The following FOXP1 variants were observed in gnomAD, a reference collection of about 807,000 sequenced individuals.
FOXP1 encodes the protein forkhead box P1.
Under a neutral mutation model 98.2 loss-of-function variants are expected in FOXP1, and 15 were observed. The ratio of observed to expected loss-of-function variants is 0.15; its 90% CI spans 0.10 to 0.24. The LOEUF (loss-of-function observed/expected upper bound fraction) is 0.24, where lower values mean the gene tolerates loss of function less well. Among genes scored for constraint, FOXP1 ranks in the 10% least tolerant of loss-of-function variants. The probability of loss-of-function intolerance (pLI) is 1.00; values close to 1 mark genes in which losing one functional copy is unlikely to be tolerated. For missense variants in FOXP1, 633 were observed against 848.5 expected (o/e 0.75, Z 3.15); for synonymous variants, 371 against 314.5 (o/e 1.18, Z -1.90).
At chr3:71,549,267 A>C (rs1253937373) in intron 2 of FOXP1, among the ~76,000 whole-genome samples, 3 of 152,116 alleles carry the variant, frequency 2.0e-5, no homozygotes, top group Non-Finnish European at 4.4e-5. Context: ...TCCCCTACCT[A>C]GTGTTTCTTT....
In FOXP1 at chr3:70,990,210, G is replaced by A. The variant is rs183830127; in HGVS notation, c.1063-2133C>T. On this transcript the variant is annotated intron_variant, in intron 13 of 20. Transcript: ENST00000649528. ...TTTTGTTTGGTTAGTGAAAACTAAT[G>A]TGTAGTATCATACTCTTGAATGAGT... 8.5e-5 allele frequency among the ~76,000 whole-genome samples: 13 copies of A among 152,278 alleles called. No individual in the cohort carries two copies. In the East Asian group the frequency reaches 1.7e-3, roughly 20 times the overall value.
At chr3:71,537,303 CAGA>C (rs2044380665) in intron 2 of FOXP1, among the ~76,000 whole-genome samples, 1 of 152,174 alleles carries the variant, frequency 6.6e-6, no homozygotes, top group Admixed American at 6.5e-5. Context: ...ATTGCCTTCC[CAGA>C]AGGAGTGAGT....
In FOXP1 at chr3:71,446,638, G is replaced by A. The variant is rs566671843; in HGVS notation, c.-168+46788C>T. ...GTAATGTCTCAGAGGTTCCTATGAA[G>A]TCATGTTCTTACAATTCACTCATAA... On this transcript the variant is annotated intron_variant, in intron 3 of 20. Coordinates refer to ENST00000649528, the MANE Select transcript of FOXP1 (RefSeq NM_001349338.3). 2.6e-5 allele frequency among the ~76,000 whole-genome samples: 4 copies of A among 152,276 alleles called. No individual in the cohort carries two copies. In the South Asian group the frequency reaches 8.3e-4, roughly 32 times the overall value.
At chr3:71,061,500 A>C (rs2051473115) in intron 7 of FOXP1, among the ~76,000 whole-genome samples, 2 of 152,154 alleles carry the variant, frequency 1.3e-5, no homozygotes, top group Admixed American at 1.3e-4. Context: ...GAGGCACTAA[A>C]AGTAACCTAA....
chr3:71,380,225 C>G (rs1481281254), intron 3 of FOXP1, among the ~76,000 whole-genome samples: 1 of 152,098 alleles, frequency 6.6e-6, no homozygotes, highest in Non-Finnish European at 1.5e-5. Flanking sequence ...AATGTGGACC[C>G]CTAGTGGACA....
intron 3 of FOXP1, among the ~76,000 whole-genome samples, chr3:71,422,022 A>G (rs866322601): frequency 1.1e-4 from 16 of 152,178 alleles, no homozygotes; most frequent in Admixed American, 5.2e-4. Context: ...CCAACTTTTT[A>G]AGACAGTCTG....
chr3:71,308,761 GTGTGT>G (rs1428541775), intron 4 of FOXP1, among the ~76,000 whole-genome samples: 4 of 59,496 alleles, frequency 6.7e-5, no homozygotes, highest in Non-Finnish European at 1.4e-4. Context: ...GTGTGTGTGT[GTGTGT>G]GTGTGTGTGT....
rs377608385 is a variant in FOXP1 at position 71,198,536 on chromosome 3, A to T, written c.-11-144T>A. 2.7e-5 allele frequency: 20 copies of T among 740,734 alleles called. No homozygotes were observed. The East Asian group carries it at 4.8e-4, about 18-fold the overall frequency. The allele number at this position is 740,734 out of a possible 1,614,324, so 45.9% of individuals were successfully genotyped here. A position where few individuals can be genotyped will look rare whatever the true frequency, so the allele number is the denominator to read the frequency against. On this transcript the variant is annotated intron_variant, in intron 5 of 20. Transcript: ENST00000649528. ...AACAGTTGTCATTTTCTTTCACTCA[A>T]CTTATCCCCTCATTAGTGGGCCATG... is the stretch of plus-strand genomic sequence containing the variant.
chr3:71,082,232 T>C (rs148467764), intron 7 of FOXP1, among the ~76,000 whole-genome samples: 1,819 of 149,760 alleles, frequency 0.012, 31 homozygotes, highest in African/African-American at 0.041. Flanking sequence ...TGAGCCGAGA[T>C]TGCACCACCG....
At chr3:71,581,767 G>A (rs896611262) in intron 1 of FOXP1, 70 bp from the exon 2 acceptor site, 3 of 985,712 alleles carry the variant, frequency 3.0e-6, no homozygotes, top group Non-Finnish European at 3.6e-6. Context: ...GAACTGAAGG[G>A]GACGGGACGG....
intron 3 of FOXP1, among the ~76,000 whole-genome samples, chr3:71,481,890 C>A (rs891181428): frequency 2.6e-5 from 4 of 152,082 alleles, no homozygotes; most frequent in African/African-American, 4.8e-5. Context: ...TCTACCTAGG[C>A]CTCCGTTTTA....
chr3:71,576,570 G>C (rs527976438), intron 2 of FOXP1, among the ~76,000 whole-genome samples: 1 of 152,078 alleles, frequency 6.6e-6, no homozygotes, highest in Non-Finnish European at 1.5e-5. Flanking sequence ...TGTCAGAATC[G>C]AATATAAATT....
intron 7 of FOXP1, among the ~76,000 whole-genome samples, chr3:71,057,243 C>G (rs2050774664): frequency 8.0e-6 from 1 of 125,654 alleles, no homozygotes; most frequent in South Asian, 2.8e-4. Flanking sequence ...AACTACAGCT[C>G]TCTAATATTT....
chr3:71,266,832 C>T (rs1322714435), intron 5 of FOXP1, among the ~76,000 whole-genome samples: 4 of 152,202 alleles, frequency 2.6e-5, no homozygotes, highest in African/African-American at 9.6e-5. Context: ...ACTTGATTTT[C>T]TGTTTCTGAG....
In FOXP1 at chr3:71,342,642, G is replaced by A. The variant is rs191775355; in HGVS notation, c.-73+16508C>T. Among the ~76,000 whole-genome samples, 564 of 151,294 alleles carry A rather than the reference G, an allele frequency of 3.7e-3. 3 individuals carry two copies. Among genetic ancestry groups the A allele is most frequent in the Non-Finnish European group, 5.8e-3 (391 of 67,890 alleles). On this transcript the variant is annotated intron_variant, in intron 4 of 20. Transcript: ENST00000649528. ...GGGGAGGTGGAGGCTGCAGTGAGCCGAGATCACGCCATTGCACTCCAGCCT... is the reference window on the plus strand; with the variant it reads ...GGGGAGGTGGAGGCTGCAGTGAGCCAAGATCACGCCATTGCACTCCAGCCT...
At chr3:71,410,187 C>T (rs1159970627) in intron 3 of FOXP1, among the ~76,000 whole-genome samples, 5 of 152,292 alleles carry the variant, frequency 3.3e-5, no homozygotes, top group Admixed American at 2.6e-4. Context: ...AGCACAGTGC[C>T]TGGTATAAGC....
At chr3:71,106,829 G>A (rs912115385) in intron 7 of FOXP1, among the ~76,000 whole-genome samples, 21 of 149,542 alleles carry the variant, frequency 1.4e-4, no homozygotes, top group East Asian at 4.0e-4. Flanking sequence ...GCTGGAATGC[G>A]GTGGCACCAT....
At chr3:71,444,527 C>A (rs770834060) in intron 3 of FOXP1, among the ~76,000 whole-genome samples, 2 of 152,138 alleles carry the variant, frequency 1.3e-5, no homozygotes, top group Non-Finnish European at 2.9e-5. Flanking sequence ...TGGCTCCAAT[C>A]GCCTTTCAAG....
In FOXP1 at chr3:70,956,732, GTTTTTTTTTTTTT is replaced by G. The variant is rs142956636; in HGVS notation, c.*2502_*2514del. 783 of 32,770 alleles carry G rather than the reference GTTTTTTTTTTTTT, an allele frequency of 0.024. 10 individuals are homozygous for G. The highest frequency in any genetic ancestry group is 0.071 in the African/African-American group (696 of 9,740). The allele number at this position is 32,770 out of a possible 1,614,324, so 2.0% of individuals were successfully genotyped here. On this transcript the variant is annotated 3_prime_UTR_variant, in exon 21 of 21. Coordinates refer to ENST00000649528, the MANE Select transcript of FOXP1 (RefSeq NM_001349338.3). ...GCACATCATGAAGCTGCCTGGAAAA[GTTTTTTTTTTTTT>G]TTTTTTTTTTTTTTTTTTTTTTTTT...
Sources: allele counts gnomAD v4.1 joint callset (sites outside exome capture counted in the v4.1 genomes callset), GRCh38; gene constraint gnomAD v4.1.1; transcripts MANE v1.5; gene names NCBI Gene and HGNC (gene_info 2026-07-23, HGNC 2026-07-21).